Variants in CDC42BPA observed in about 807,000 individuals in gnomAD.
CDC42BPA encodes the protein CDC42 binding protein kinase alpha.
In CDC42BPA, 80 loss-of-function variants were observed where a neutral mutation model predicts 223.5. That is an observed-to-expected ratio of 0.36 (90% CI 0.30 to 0.43). The LOEUF is 0.43. Ranked by LOEUF, CDC42BPA falls within the 20% of genes least tolerant of loss-of-function variation. The probability of loss-of-function intolerance (pLI) is 1.00; values close to 1 mark genes in which losing one functional copy is unlikely to be tolerated. For missense variants in CDC42BPA, 1,743 were observed against 2,099.9 expected (o/e 0.83, Z 3.32); for synonymous variants, 694 against 718.6 (o/e 0.97, Z 0.55).
At position 227,272,739 on chromosome 1, in the gene CDC42BPA, A is replaced by T. The variant is rs1475938118; in HGVS notation, c.179-18584T>A. On this transcript the variant is annotated intron_variant, in intron 1 of 36. Coordinates refer to ENST00000366766, the MANE Select transcript of CDC42BPA (RefSeq NM_001394014.1). ...CCTGGCCCTGTAATTTCAAAAATAA[A>T]TTATAAGTTGATTTTAAAACATATT... 2.6e-5 allele frequency among the ~76,000 whole-genome samples: 4 copies of T among 152,304 alleles called. No individual in the cohort carries two copies. In the East Asian group the frequency reaches 5.8e-4, roughly 22 times the overall value.
At chr1:227,099,728 T>G (rs1684653783) in intron 15 of CDC42BPA, among the ~76,000 whole-genome samples, 1 of 152,158 alleles carries the variant, frequency 6.6e-6, no homozygotes, top group African/African-American at 2.4e-5. Flanking sequence ...TTCACACATC[T>G]GTATAAACAT....
At chr1:227,223,607 A>C (rs1336664849) in intron 2 of CDC42BPA, among the ~76,000 whole-genome samples, 1 of 152,198 alleles carries the variant, frequency 6.6e-6, no homozygotes, top group Non-Finnish European at 1.5e-5. Context: ...TATGGAGACT[A>C]GAGAGTGAGA....
intron 1 of CDC42BPA, among the ~76,000 whole-genome samples, chr1:227,299,118 C>A (rs558187284): frequency 2.0e-5 from 3 of 152,240 alleles, no homozygotes; most frequent in South Asian, 2.1e-4. Context: ...GAAATTCAGA[C>A]TCAAATACAG....
chr1:227,130,470 CGT>C (rs1656850455), intron 10 of CDC42BPA, among the ~76,000 whole-genome samples: 1 of 150,806 alleles, frequency 6.6e-6, no homozygotes, highest in South Asian at 2.1e-4. Flanking sequence ...TGGTCCTTTC[CGT>C]ATTTATTATT....
intron 17 of CDC42BPA, among the ~76,000 whole-genome samples, chr1:227,074,668 AAC>A (rs1294736090): frequency 6.6e-6 from 1 of 152,196 alleles, no homozygotes; most frequent in Non-Finnish European, 1.5e-5. Context: ...TCTAACAATT[AAC>A]ACAGATGCAC....
At position 227,069,769 on chromosome 1, in the gene CDC42BPA, A is replaced by C; in HGVS notation, c.2904+8T>G. 1.3e-6 allele frequency: 2 copies of C among 1,589,420 alleles called. No individual in the cohort carries two copies. The highest frequency in any genetic ancestry group is 1.7e-6 in the Non-Finnish European group (2 of 1,158,498). On this transcript the variant is annotated splice_region_variant and intron_variant, in intron 21 of 36. Coordinates refer to ENST00000366766, the MANE Select transcript of CDC42BPA (RefSeq NM_001394014.1). The stretch of plus-strand genomic sequence containing the variant: ...CCCCAGAGGATATGTGACATGTTTA[A>C]TACTTACTTCAAATTGATCCAGAGC...
At chr1:227,265,029 G>C (rs1408195540) in intron 1 of CDC42BPA, 7 of 797,918 alleles carry the variant, frequency 8.8e-6, no homozygotes, top group Non-Finnish European at 1.4e-5. Flanking sequence ...TCATCACACT[G>C]AGGATTTGGC....
chr1:227,169,210 A>T (rs1180401251), intron 5 of CDC42BPA, among the ~76,000 whole-genome samples: 1 of 152,176 alleles, frequency 6.6e-6, no homozygotes, highest in Non-Finnish European at 1.5e-5. Context: ...AGTTGTTAAC[A>T]GCCACTTAAA....
chr1:227,311,497 T>C (rs16847625), intron 1 of CDC42BPA, among the ~76,000 whole-genome samples: 14,844 of 152,130 alleles, frequency 0.098, 1,158 homozygotes, highest in East Asian at 0.36. Context: ...GCTGAAGTGA[T>C]GAGAAGCTAA....
chr1:227,232,706 C>T (rs1451288033), intron 2 of CDC42BPA, among the ~76,000 whole-genome samples: 2 of 152,220 alleles, frequency 1.3e-5, no homozygotes, highest in East Asian at 3.9e-4. Flanking sequence ...TAGGTATCAC[C>T]AGCAGAGGCT....
intron 11 of CDC42BPA, among the ~76,000 whole-genome samples, chr1:227,124,998 C>T (rs191376037): frequency 1.3e-5 from 2 of 152,088 alleles, no homozygotes; most frequent in Admixed American, 1.3e-4. Context: ...AACAACATAA[C>T]GGTGAGTTTT....
At chr1:227,215,586 G>T (rs1202960593) in intron 2 of CDC42BPA, among the ~76,000 whole-genome samples, 1 of 152,150 alleles carries the variant, frequency 6.6e-6, no homozygotes, top group South Asian at 2.1e-4. Context: ...TGCTGCCACA[G>T]GGTGAAAAAT....
At chr1:227,166,006 C>T (rs1053761045) in intron 5 of CDC42BPA, among the ~76,000 whole-genome samples, 1 of 152,152 alleles carries the variant, frequency 6.6e-6, no homozygotes, top group Non-Finnish European at 1.5e-5. Context: ...CACTAAGCCA[C>T]TAAGATCATC....
chr1:227,173,905 G>A (rs972539698), intron 5 of CDC42BPA, among the ~76,000 whole-genome samples: 1 of 151,982 alleles, frequency 6.6e-6, no homozygotes, highest in Non-Finnish European at 1.5e-5. Context: ...ACTTCCAATT[G>A]GTGTCAGAAC....
intron 10 of CDC42BPA, among the ~76,000 whole-genome samples, chr1:227,130,762 G>C (rs1284179101): frequency 6.6e-6 from 1 of 152,158 alleles, no homozygotes; most frequent in African/African-American, 2.4e-5. Context: ...GGCTGAGGCA[G>C]GAGAAACGCT....
At chr1:227,126,227 C>CA (rs1414267363) in intron 11 of CDC42BPA, among the ~76,000 whole-genome samples, 2 of 152,170 alleles carry the variant, frequency 1.3e-5, no homozygotes, top group Non-Finnish European at 2.9e-5. Context: ...CCCTGACCTC[C>CA]AGGTGTGTGG....
At chr1:227,295,506 A>AAT (rs1690507926) in intron 1 of CDC42BPA, among the ~76,000 whole-genome samples, 1 of 152,210 alleles carries the variant, frequency 6.6e-6, no homozygotes, top group African/African-American at 2.4e-5. Flanking sequence ...CAATTCTGGT[A>AAT]ATATATTATC....
chr1:227,078,634 A>G (rs1037231558), intron 17 of CDC42BPA, among the ~76,000 whole-genome samples: 18 of 152,094 alleles, frequency 1.2e-4, no homozygotes, highest in African/African-American at 4.1e-4. Flanking sequence ...GATGAAAGGG[A>G]TATTTCATAG....
chr1:227,042,174 T>G (rs73089746), intron 23 of CDC42BPA, among the ~76,000 whole-genome samples: 8,712 of 152,086 alleles, frequency 0.057, 822 homozygotes, highest in African/African-American at 0.2. Context: ...AGTAGGTTCA[T>G]GTTTTTCTTC....
Sources: allele counts gnomAD v4.1 joint callset (sites outside exome capture counted in the v4.1 genomes callset), GRCh38; gene constraint gnomAD v4.1.1; transcripts MANE v1.5; gene names NCBI Gene and HGNC (gene_info 2026-07-23, HGNC 2026-07-21).